Variants in SNTG2 observed in about 807,000 individuals in gnomAD.
SNTG2 encodes gamma-2-syntrophin.
Under a neutral mutation model 70.9 loss-of-function variants are expected in SNTG2, and 74 were observed. The ratio of observed to expected loss-of-function variants is 1.04; its 90% CI spans 0.86 to 1.27. The LOEUF (loss-of-function observed/expected upper bound fraction) is 1.27, where lower values mean the gene tolerates loss of function less well. SNTG2 is among the 50% of genes most tolerant of loss of function. The probability of loss-of-function intolerance (pLI) is 0.00; values close to 1 mark genes in which losing one functional copy is unlikely to be tolerated. For missense variants in SNTG2, 717 were observed against 690.7 expected, an observed-to-expected ratio of 1.04 and a Z score of -0.43; for synonymous variants, 278 against 273.8, an observed-to-expected ratio of 1.02 and a Z score of -0.15.
At chr2:979,023 C>T (rs1250409141) in intron 1 of SNTG2, among the ~76,000 whole-genome samples, 4 of 152,224 alleles carry the variant, frequency 2.6e-5, no homozygotes, top group Non-Finnish European at 5.9e-5. Context: ...AGGCCCTGCT[C>T]TTCTTAATCG....
chr2:965,790 G>T (rs1200722787), intron 1 of SNTG2, among the ~76,000 whole-genome samples: 1 of 152,088 alleles, frequency 6.6e-6, no homozygotes, highest in Non-Finnish European at 1.5e-5. Context: ...TCTCCAGAAG[G>T]ACCTGTATGG....
rs1449321856 is a variant in SNTG2 at position 1,083,590 on chromosome 2, A to G, written c.145A>G (p.Lys49Glu). 6.2e-7 allele frequency: 1 copy of G among 1,613,786 alleles called. No individual in the cohort carries two copies. The highest frequency in any genetic ancestry group is 2.2e-5 in the East Asian group (1 of 44,884). The change falls in exon 2 of 17, where the codon AAA (lysine) becomes GAA (glutamate). Residue 49 changes from lysine (K) to glutamate (E), a missense_variant. Physicochemically the swap from Lys to Glu is moderately conservative, Grantham distance 56. Coordinates refer to ENST00000308624, the MANE Select transcript of SNTG2 (RefSeq NM_018968.4). ...NAYDIRLKLT[K>E]EVLTIQKQDV... ...CTATGACATCCGGCTGAAGCTGACGAAAGAGGTGCTGACAATTCAGAAACA... is the reference window on the plus strand; with the variant it reads ...CTATGACATCCGGCTGAAGCTGACGGAAGAGGTGCTGACAATTCAGAAACA...
At chr2:1,153,730 G>T (rs545805048) in intron 6 of SNTG2, among the ~76,000 whole-genome samples, 1 of 152,316 alleles carries the variant, frequency 6.6e-6, no homozygotes, top group East Asian at 1.9e-4. Flanking sequence ...TAAAATGCAG[G>T]TTATTTAAGG....
intron 1 of SNTG2, among the ~76,000 whole-genome samples, chr2:955,966 CCCCT>C (rs1660127199): frequency 6.7e-6 from 1 of 149,252 alleles, no homozygotes; most frequent in Non-Finnish European, 1.5e-5. Context: ...CCTGCCCCTG[CCCCT>C]GCCCCTGCAT....
At chr2:1,333,188 C>T (rs887092286) in intron 16 of SNTG2, among the ~76,000 whole-genome samples, 56 of 152,266 alleles carry the variant, frequency 3.7e-4, no homozygotes, top group African/African-American at 1.3e-3. Flanking sequence ...ATCAAGAACT[C>T]AATCGCTTTT....
At chr2:1,146,904 G>A (rs1669140589) in intron 6 of SNTG2, among the ~76,000 whole-genome samples, 2 of 152,106 alleles carry the variant, frequency 1.3e-5, no homozygotes, top group South Asian at 4.1e-4. Context: ...AATGAGAACT[G>A]TAATTGTCAT....
At chr2:1,238,084 A>G (rs1374707954) in intron 10 of SNTG2, 67 bp downstream of exon 10, 3 of 1,523,208 alleles carry the variant, frequency 2.0e-6, no homozygotes, top group South Asian at 1.2e-5. Context: ...TGGAGACATC[A>G]TGTTTCTGAT....
chr2:1,295,472 C>G (rs1323946802), intron 14 of SNTG2, among the ~76,000 whole-genome samples: 1 of 152,204 alleles, frequency 6.6e-6, no homozygotes, highest in Non-Finnish European at 1.5e-5. Context: ...CCAGAGGCAT[C>G]TATTATAATA....
chr2:1,073,051 AAGT>A (rs1426517573), intron 1 of SNTG2, among the ~76,000 whole-genome samples: 4 of 152,246 alleles, frequency 2.6e-5, no homozygotes, highest in Admixed American at 2.6e-4. Flanking sequence ...TGAGCAAAGA[AAGT>A]AGTTTCTTGA....
intron 14 of SNTG2, among the ~76,000 whole-genome samples, chr2:1,283,172 C>T (rs1482089127): frequency 6.6e-6 from 1 of 152,102 alleles, no homozygotes; most frequent in East Asian, 1.9e-4. Flanking sequence ...GAACTGTGGC[C>T]TCCTGCTACT....
intron 6 of SNTG2, among the ~76,000 whole-genome samples, chr2:1,149,687 TTTTTTTTTTTTTTTTTTTC>T (rs760481805): frequency 0.19 from 1,686 of 8,798 alleles, 82 homozygotes; most frequent in Middle Eastern, 0.33. Flanking sequence ...TTTTTTTTTT[TTTTTTTTTTTTTTTTTTTC>T]AAATGGAATC....
chr2:1,367,394 A>G lies in SNTG2; in HGVS notation c.1540A>G (p.Ile514Val), dbSNP rs1403338318. Residue 514 changes from isoleucine to valine, a missense_variant, in exon 17 of 17, where the codon ATA (isoleucine) becomes GTA (valine). By Grantham distance (29) the Ile-to-Val change is conservative. Coordinates refer to ENST00000308624, the MANE Select transcript of SNTG2 (RefSeq NM_018968.4). ...RAVLHCIHSF[I>V]AAKVASVDPG... The stretch of plus-strand genomic sequence containing the variant: ...TGTCCTGCACTGCATCCACTCCTTC[A>G]TAGCAGCCAAGGTGGCCTCCGTGGA... 3 of 1,551,634 alleles carry G rather than the reference A, an allele frequency of 1.9e-6. No homozygotes were observed. Among genetic ancestry groups the G allele is most frequent in the South Asian group, 1.2e-5 (1 of 84,056 alleles).
At chr2:1,276,542 G>GA (rs969120214) in intron 14 of SNTG2, among the ~76,000 whole-genome samples, 14 of 152,266 alleles carry the variant, frequency 9.2e-5, no homozygotes, top group African/African-American at 2.6e-4. Context: ...CTACTGCTCA[G>GA]AAAAAAAGAT....
At chr2:1,244,628 A>G (rs536939113) in intron 11 of SNTG2, among the ~76,000 whole-genome samples, 226 of 148,578 alleles carry the variant, frequency 1.5e-3, no homozygotes, top group African/African-American at 4.5e-3. Context: ...CCTGGGAGGC[A>G]GAGCTTGCAG....
intron 6 of SNTG2, chr2:1,160,566 G>C (rs1670203563): frequency 6.6e-6 from 1 of 152,040 alleles, no homozygotes; most frequent in East Asian, 1.9e-4. Flanking sequence ...TCGTGTCCTG[G>C]GCTACTCACC....
chr2:1,255,799 T>C (rs946909072), intron 12 of SNTG2, among the ~76,000 whole-genome samples: 1 of 140,936 alleles, frequency 7.1e-6, no homozygotes, highest in African/African-American at 2.6e-5. Flanking sequence ...TGTGTATATA[T>C]ATATATACAC....
At chr2:1,334,668 A>G (rs1248402347) in intron 16 of SNTG2, among the ~76,000 whole-genome samples, 1 of 152,242 alleles carries the variant, frequency 6.6e-6, no homozygotes, top group Non-Finnish European at 1.5e-5. Context: ...GGAAGCCATT[A>G]TTCTAAGTGA....
chr2:1,002,302 A>C (rs1219475706), intron 1 of SNTG2, among the ~76,000 whole-genome samples: 1 of 152,148 alleles, frequency 6.6e-6, no homozygotes. Flanking sequence ...GACAAAATTG[A>C]CATAGTGAAC....
chr2:1,192,670 C>T lies in SNTG2; in HGVS notation c.592-16433C>T, dbSNP rs148921865. Among the ~76,000 whole-genome samples, 968 of 152,150 alleles carry T rather than the reference C, an allele frequency of 6.4e-3. 12 individuals are homozygous for T. The highest frequency in any genetic ancestry group is 0.01 in the Middle Eastern group (3 of 292). On this transcript the variant is annotated intron_variant, in intron 8 of 16. Coordinates refer to ENST00000308624, the MANE Select transcript of SNTG2 (RefSeq NM_018968.4). The stretch of plus-strand genomic sequence containing the variant: ...CTTCACGCAGGAAATTTCGAGCTTG[C>T]GTTAATCAGTTGTGTTGCTCCAAGG...
Sources: gnomAD v4.1 joint callset for allele counts (sites outside exome capture counted in the v4.1 genomes callset) on GRCh38, gnomAD v4.1.1 for gene constraint, MANE v1.5 for transcripts, NCBI Gene and HGNC (gene_info 2026-07-23, HGNC 2026-07-21) for gene names.